Variants in PIP4K2A observed in about 807,000 individuals in gnomAD.
PIP4K2A encodes phosphatidylinositol-5-phosphate 4-kinase type 2 alpha, also known as phosphatidylinositol 5-phosphate 4-kinase type-2 alpha.
PIP4K2A carries 14 observed loss-of-function variants against 42.9 expected under a neutral mutation model. That is an observed-to-expected ratio of 0.33 (90% CI 0.22 to 0.51). PIP4K2A has a LOEUF of 0.51. Ranked by LOEUF, PIP4K2A falls within the 20% of genes least tolerant of loss-of-function variation. The probability of loss-of-function intolerance (pLI) is 0.97; values close to 1 mark genes in which losing one functional copy is unlikely to be tolerated. For missense variants in PIP4K2A, 434 were observed against 519.8 expected, an observed-to-expected ratio of 0.83 and a Z score of 1.61; for synonymous variants, 192 against 192.2, an observed-to-expected ratio of 1.00 and a Z score of 0.01.
intron 1 of PIP4K2A, among the ~76,000 whole-genome samples, chr10:22,664,208 T>TATATACATATATATATAC (rs1839301010): frequency 1.6e-5 from 1 of 62,474 alleles, no homozygotes; most frequent in Non-Finnish European, 2.7e-5. Context: ...TATATACATA[T>TATATACATATATATATAC]ATATATATAC....
Position 22,582,460 on chromosome 10 carries a change from C to T in PIP4K2A, c.493-9003G>A, listed in dbSNP as rs113697690. Among the ~76,000 whole-genome samples, 6 of 152,270 alleles carry T rather than the reference C, an allele frequency of 3.9e-5. 1 individual carries two copies. The highest frequency in any genetic ancestry group is 1.4e-4 in the African/African-American group (6 of 41,542). ...TGCAATAGATAAATATTTATATCTC[C>T]GCACGATAGTGTGAACCTGGGCTCC... is the stretch of plus-strand genomic sequence containing the variant. On this transcript the variant is annotated intron_variant, in intron 4 of 9. Coordinates refer to ENST00000376573, the MANE Select transcript of PIP4K2A (RefSeq NM_005028.5).
At chr10:22,560,610 A>G (rs1252777747) in intron 6 of PIP4K2A, among the ~76,000 whole-genome samples, 1 of 152,256 alleles carries the variant, frequency 6.6e-6, no homozygotes, top group African/African-American at 2.4e-5. Context: ...CCATTATCAA[A>G]GTGTCAACAA....
intron 3 of PIP4K2A, among the ~76,000 whole-genome samples, chr10:22,605,466 A>G (rs1270914843): frequency 1.3e-5 from 2 of 152,248 alleles, no homozygotes; most frequent in East Asian, 1.9e-4. Context: ...AAAGGGAAGG[A>G]AAACCAGTTC....
intron 1 of PIP4K2A, among the ~76,000 whole-genome samples, chr10:22,684,184 A>C (rs1839717923): frequency 6.6e-6 from 1 of 152,046 alleles, no homozygotes; most frequent in Non-Finnish European, 1.5e-5. Flanking sequence ...TATTTTCCCC[A>C]CTGGCTTGCT....
chr10:22,545,217 A>G (rs1836231718), intron 7 of PIP4K2A, among the ~76,000 whole-genome samples: 1 of 152,252 alleles, frequency 6.6e-6, no homozygotes, highest in Non-Finnish European at 1.5e-5. Context: ...AGCCAAATAC[A>G]AACAACAAAG....
chr10:22,647,538 C>T (rs1170409241), intron 1 of PIP4K2A, among the ~76,000 whole-genome samples: 13 of 152,114 alleles, frequency 8.5e-5, no homozygotes, highest in Admixed American at 8.5e-4. Flanking sequence ...GTCATGAGAT[C>T]TACACAACAT....
intron 9 of PIP4K2A, 57 bp downstream of exon 9, chr10:22,539,903 GAGAGAGAGGGA>G (rs1564410933): frequency 4.2e-5 from 18 of 424,662 alleles, no homozygotes; most frequent in Middle Eastern, 4.6e-4. Context: ...GAGAGAGAGA[GAGAGAGAGGGA>G]GAGAGAGAGA....
At chr10:22,543,697 G>A (rs1395532311) in intron 7 of PIP4K2A, among the ~76,000 whole-genome samples, 1 of 152,208 alleles carries the variant, frequency 6.6e-6, no homozygotes, top group Admixed American at 6.5e-5. Context: ...GGTGCACCTG[G>A]CCGAGATCAC....
chr10:22,704,603 T>A (rs910936343), intron 1 of PIP4K2A, among the ~76,000 whole-genome samples: 1 of 138,352 alleles, frequency 7.2e-6, no homozygotes, highest in Non-Finnish European at 1.5e-5. Context: ...CAGTGAGCCA[T>A]GATTGCACCA....
chr10:22,543,675 G>A (rs1025610517), intron 7 of PIP4K2A, among the ~76,000 whole-genome samples: 4 of 152,226 alleles, frequency 2.6e-5, no homozygotes, highest in African/African-American at 9.6e-5. Flanking sequence ...CTCGGCAGCT[G>A]CCAGGCTGTG....
intron 1 of PIP4K2A, among the ~76,000 whole-genome samples, chr10:22,620,856 C>G (rs1838313249): frequency 2.0e-5 from 3 of 152,188 alleles, no homozygotes; most frequent in Admixed American, 2.0e-4. Flanking sequence ...AAACAACTTT[C>G]CAGAGATCCA....
chr10:22,613,044 C>T (rs1372850868), intron 1 of PIP4K2A, among the ~76,000 whole-genome samples: 2 of 152,018 alleles, frequency 1.3e-5, no homozygotes, highest in Non-Finnish European at 2.9e-5. Context: ...GGGAAAACTG[C>T]CATCGAGGCA....
At chr10:22,692,218 C>G (rs1415662669) in intron 1 of PIP4K2A, among the ~76,000 whole-genome samples, 1 of 151,690 alleles carries the variant, frequency 6.6e-6, no homozygotes, top group African/African-American at 2.4e-5. Flanking sequence ...AGTGAGTAAC[C>G]TAGATTGCTC....
At chr10:22,547,956 A>G (rs952565844) in intron 7 of PIP4K2A, among the ~76,000 whole-genome samples, 1 of 152,222 alleles carries the variant, frequency 6.6e-6, no homozygotes, top group African/African-American at 2.4e-5. Flanking sequence ...CCTAAAATCT[A>G]GATTTCTTGA....
intron 3 of PIP4K2A, among the ~76,000 whole-genome samples, chr10:22,601,367 G>C (rs1431047787): frequency 6.6e-6 from 1 of 152,090 alleles, no homozygotes; most frequent in Non-Finnish European, 1.5e-5. Flanking sequence ...ACAGTAATTT[G>C]CTCAGTTCAT....
chr10:22,574,420 T>C (rs1464534264), intron 4 of PIP4K2A, among the ~76,000 whole-genome samples: 1 of 147,552 alleles, frequency 6.8e-6, no homozygotes, highest in African/African-American at 2.5e-5. Context: ...TTTTCTACTA[T>C]ACTGCTTGAA....
intron 1 of PIP4K2A, among the ~76,000 whole-genome samples, chr10:22,705,113 C>A (rs918186259): frequency 1.3e-5 from 2 of 151,716 alleles, no homozygotes; most frequent in African/African-American, 4.8e-5. Context: ...AAGTGGGGGA[C>A]AGGACACTAG....
intron 4 of PIP4K2A, among the ~76,000 whole-genome samples, chr10:22,588,844 G>A (rs1837452331): frequency 6.6e-6 from 1 of 152,056 alleles, no homozygotes; most frequent in Non-Finnish European, 1.5e-5. Context: ...TATAGATGTT[G>A]GATAAAGGAG....
At chr10:22,686,852 G>C (rs1399759057) in intron 1 of PIP4K2A, among the ~76,000 whole-genome samples, 1 of 152,120 alleles carries the variant, frequency 6.6e-6, no homozygotes, top group Non-Finnish European at 1.5e-5. Flanking sequence ...TTCTCACGCT[G>C]ACGCAGCTAA....
Sources: allele counts gnomAD v4.1 joint callset (sites outside exome capture counted in the v4.1 genomes callset), GRCh38; gene constraint gnomAD v4.1.1; transcripts MANE v1.5; gene names NCBI Gene and HGNC (gene_info 2026-07-23, HGNC 2026-07-21).